SH2D1B: variants seen among roughly 807,000 people sequenced by gnomAD.
The protein encoded by SH2D1B is SH2 domain containing 1B, also known as SH2 domain-containing protein 1B.
SH2D1B carries 11 observed loss-of-function variants against 16.3 expected under a neutral mutation model. The observed-to-expected ratio is 0.67, with a 90% confidence interval of 0.42 to 1.11. The LOEUF is 1.11. SH2D1B is among the 50% of genes most tolerant of loss of function. The probability of loss-of-function intolerance (pLI) is 0.00; values close to 1 mark genes in which losing one functional copy is unlikely to be tolerated. For missense variants in SH2D1B, 123 were observed against 153.1 expected (o/e 0.80, Z 1.04); for synonymous variants, 55 against 56.1 (o/e 0.98, Z 0.09).
At chr1:162,400,380 C>T (rs1269693909) in intron 2 of SH2D1B, among the ~76,000 whole-genome samples, 5 of 150,458 alleles carry the variant, frequency 3.3e-5, no homozygotes, top group African/African-American at 1.2e-4. Flanking sequence ...CAAGTTCCGC[C>T]TCCCGGGTTC....
intron 3 of SH2D1B, 107 bp from the exon 4 acceptor site, chr1:162,397,422 C>T (rs1648405008): frequency 8.7e-7 from 1 of 1,146,518 alleles, no homozygotes; most frequent in Non-Finnish European, 1.3e-6. Context: ...GGCACAGAGC[C>T]ATGTTGATGC....
At chr1:162,404,421 G>T (rs1477399058) in intron 1 of SH2D1B, among the ~76,000 whole-genome samples, 1 of 152,100 alleles carries the variant, frequency 6.6e-6, no homozygotes, top group Non-Finnish European at 1.5e-5. Context: ...CTACAAAAAT[G>T]ATAACTTGAT....
intron 2 of SH2D1B, among the ~76,000 whole-genome samples, chr1:162,400,457 A>ATTTTTTTTTTTTTTTTTTTTTT (rs34822047): frequency 2.7e-5 from 3 of 110,840 alleles, no homozygotes; most frequent in Non-Finnish European, 3.6e-5. Flanking sequence ...TACCTGGCTA[A>ATTTTTTTTTTTTTTTTTTTTTT]TTTTTTTTTT....
Position 162,402,808 on chromosome 1 carries a change from G to C in SH2D1B, c.135-6C>G. On this transcript the variant is annotated splice_region_variant and splice_polypyrimidine_tract_variant and intron_variant, in intron 1 of 3. Transcript: ENST00000367929. ...TGTAGACAATATTTTTAAACCTGTG[G>C]AAAAAATGACTGTGTGAATCAAAAT... is the stretch of plus-strand genomic sequence containing the variant. The C allele has an allele frequency of 6.2e-7, 1 of 1,611,052 alleles. No individual in the cohort carries two copies. Among genetic ancestry groups the C allele is most frequent in the Non-Finnish European group, 8.5e-7 (1 of 1,177,576 alleles).
At chr1:162,408,825 A>C (rs1648719360) in intron 1 of SH2D1B, among the ~76,000 whole-genome samples, 1 of 151,730 alleles carries the variant, frequency 6.6e-6, no homozygotes, top group Non-Finnish European at 1.5e-5. Flanking sequence ...ATCCCAATAT[A>C]GGCTGGGTGC....
At chr1:162,403,511 A>AAAAAAAAT (rs1648579325) in intron 1 of SH2D1B, among the ~76,000 whole-genome samples, 5 of 42,038 alleles carry the variant, frequency 1.2e-4, no homozygotes, top group African/African-American at 5.3e-4. Flanking sequence ...AAAAAAAAAA[A>AAAAAAAAT]ATATATATAT....
chr1:162,405,844 G>A (rs1399793738), intron 1 of SH2D1B, among the ~76,000 whole-genome samples: 2 of 152,196 alleles, frequency 1.3e-5, no homozygotes, highest in African/African-American at 4.8e-5. Flanking sequence ...CAAAGTGATC[G>A]TTCCATGAGG....
At chr1:162,403,895 TATC>T (rs1648589868) in intron 1 of SH2D1B, among the ~76,000 whole-genome samples, 1 of 151,986 alleles carries the variant, frequency 6.6e-6, no homozygotes, top group African/African-American at 2.4e-5. Context: ...AAAAAGTTGA[TATC>T]ATAAAACTAA....
At chr1:162,406,302 T>A (rs1326580632) in intron 1 of SH2D1B, among the ~76,000 whole-genome samples, 1 of 152,168 alleles carries the variant, frequency 6.6e-6, no homozygotes, top group Non-Finnish European at 1.5e-5. Context: ...TGGACTAAAT[T>A]GCAAATGAAA....
At chr1:162,411,764 A>C (rs1484075128) in intron 1 of SH2D1B, 119 bp downstream of exon 1, 3 of 1,312,548 alleles carry the variant, frequency 2.3e-6, no homozygotes, top group Non-Finnish European at 3.2e-6. Flanking sequence ...TTCTCATTCT[A>C]CTCATTGAGA....
At chr1:162,404,526 TTATC>T (rs1415912902) in intron 1 of SH2D1B, among the ~76,000 whole-genome samples, 2 of 152,098 alleles carry the variant, frequency 1.3e-5, no homozygotes, top group Non-Finnish European at 2.9e-5. Context: ...ACATATAATT[TTATC>T]TATCAAATAA....
intron 1 of SH2D1B, among the ~76,000 whole-genome samples, chr1:162,404,753 C>CGCAGA (rs1200755657): frequency 6.6e-6 from 1 of 152,202 alleles, no homozygotes; most frequent in East Asian, 1.9e-4. Context: ...TGAGATACCA[C>CGCAGA]TACACACTTA....
At chr1:162,402,702 T>G in intron 2 of SH2D1B, 37 bp downstream of exon 2, 5 of 1,563,742 alleles carry the variant, frequency 3.2e-6, no homozygotes, top group Non-Finnish European at 4.4e-6. Flanking sequence ...TCCCCCAACT[T>G]TTGTGTTGTT....
At chr1:162,402,999 C>G (rs1400705913) in intron 1 of SH2D1B, among the ~76,000 whole-genome samples, 197 bp from the exon 2 acceptor site, 1 of 151,758 alleles carries the variant, frequency 6.6e-6, no homozygotes, top group African/African-American at 2.4e-5. Flanking sequence ...ACCTCCGCCT[C>G]CCGGGTTCAA....
chr1:162,404,285 G>A (rs767389410), intron 1 of SH2D1B, among the ~76,000 whole-genome samples: 70 of 152,014 alleles, frequency 4.6e-4, no homozygotes, highest in Non-Finnish European at 5.9e-4. Context: ...GCAGTGAGCC[G>A]AGATGGTGCC....
chr1:162,404,302 C>A (rs1326677943), intron 1 of SH2D1B, among the ~76,000 whole-genome samples: 1 of 152,024 alleles, frequency 6.6e-6, no homozygotes, highest in African/African-American at 2.4e-5. Flanking sequence ...TGCCACTGCA[C>A]TCCAGCCTGG....
rs189670699 is a variant in SH2D1B, at chr1:162,408,312, G to C, written c.134+3571C>G. Among the ~76,000 whole-genome samples, 56 of 152,174 alleles carry C rather than the reference G, an allele frequency of 3.7e-4. No homozygotes were observed. In the South Asian group the frequency reaches 6.2e-3, roughly 17 times the overall value. ...GTTTGCCTTTCAGTGACATGTGTAG[G>C]GAGGTGGGTGAGACCTGATCATGTG... On this transcript the variant is annotated intron_variant, in intron 1 of 3. Coordinates refer to ENST00000367929, the MANE Select transcript of SH2D1B (RefSeq NM_053282.5).
Position 162,396,134 on chromosome 1 carries a change from C to A in SH2D1B, c.*1146G>T, listed in dbSNP as rs1341031514. On this transcript the variant is annotated 3_prime_UTR_variant, in exon 4 of 4. Coordinates refer to ENST00000367929, the MANE Select transcript of SH2D1B (RefSeq NM_053282.5). ...CACTTTGGGGCTCCAGCCACAGTGTCTGTTCATCTGTTCATATTACCTCTA... is the reference window on the plus strand; with the variant it reads ...CACTTTGGGGCTCCAGCCACAGTGTATGTTCATCTGTTCATATTACCTCTA... The A allele has an allele frequency of 6.6e-6, 1 of 152,222 alleles. No homozygotes were observed. The highest frequency in any genetic ancestry group is 1.5e-5 in the Non-Finnish European group (1 of 68,040). The allele number at this position is 152,222 out of a possible 1,614,324, so 9.4% of individuals were successfully genotyped here.
At chr1:162,409,736 C>A (rs1014594666) in intron 1 of SH2D1B, among the ~76,000 whole-genome samples, 3 of 151,890 alleles carry the variant, frequency 2.0e-5, no homozygotes, top group African/African-American at 4.8e-5. Context: ...CCCACCATGC[C>A]TGGCTAATTT....
Sources: gnomAD v4.1 joint callset for allele counts (sites outside exome capture counted in the v4.1 genomes callset) on GRCh38, gnomAD v4.1.1 for gene constraint, MANE v1.5 for transcripts, NCBI Gene and HGNC (gene_info 2026-07-23, HGNC 2026-07-21) for gene names.